Variants in MDGA2 observed in about 807,000 individuals in gnomAD.
MDGA2 encodes MAM domain containing glycosylphosphatidylinositol anchor 2.
In MDGA2, 40 loss-of-function variants were observed where a neutral mutation model predicts 117.8. That is an observed-to-expected ratio of 0.34 (90% CI 0.26 to 0.44). The LOEUF is 0.44. MDGA2 is among the 20% of genes least tolerant of loss of function. The pLI is 1.00. For synonymous variants in MDGA2, 452 were observed against 439.0 expected, an observed-to-expected ratio of 1.03 and a Z score of -0.37; for missense variants, 1,123 against 1,250.6, an observed-to-expected ratio of 0.90 and a Z score of 1.54.
At chr14:47,453,383 C>A (rs559618428) in intron 1 of MDGA2, among the ~76,000 whole-genome samples, 3 of 152,172 alleles carry the variant, frequency 2.0e-5, no homozygotes, top group Non-Finnish European at 4.4e-5. Context: ...AAATTCAAAG[C>A]TCTAATTGCA....
At chr14:47,431,892 T>G (rs749368519) in intron 1 of MDGA2, among the ~76,000 whole-genome samples, 1 of 152,070 alleles carries the variant, frequency 6.6e-6, no homozygotes, top group Non-Finnish European at 1.5e-5. Flanking sequence ...TAACATAGCT[T>G]TCCACGACAT....
intron 7 of MDGA2, among the ~76,000 whole-genome samples, chr14:47,049,683 T>G (rs1889387017): frequency 6.6e-6 from 1 of 152,032 alleles, no homozygotes; most frequent in African/African-American, 2.4e-5. Flanking sequence ...AATTCATGGA[T>G]GTAGAAACCC....
intron 3 of MDGA2, among the ~76,000 whole-genome samples, chr14:47,177,787 A>C (rs2139356473): frequency 6.6e-6 from 1 of 152,230 alleles, no homozygotes; most frequent in African/African-American, 2.4e-5. Context: ...GTACCCTAAA[A>C]CTTAAAGTAT....
At chr14:47,015,886 A>C (rs543255258) in intron 8 of MDGA2, among the ~76,000 whole-genome samples, 1 of 152,096 alleles carries the variant, frequency 6.6e-6, no homozygotes, top group Non-Finnish European at 1.5e-5. Flanking sequence ...TGTAAAAAAC[A>C]AAAACAAAGA....
At chr14:47,489,909 C>T (rs1266255675) in intron 1 of MDGA2, among the ~76,000 whole-genome samples, 2 of 152,030 alleles carry the variant, frequency 1.3e-5, no homozygotes, top group Non-Finnish European at 2.9e-5. Context: ...TTTCTGAAAA[C>T]AAGGTTACTC....
At chr14:46,974,884 G>A (rs1364482016) in intron 8 of MDGA2, among the ~76,000 whole-genome samples, 1 of 151,846 alleles carries the variant, frequency 6.6e-6, no homozygotes, top group Admixed American at 6.6e-5. Flanking sequence ...TTTTCAAGTT[G>A]TGCATTAAAG....
intron 2 of MDGA2, among the ~76,000 whole-genome samples, chr14:47,241,681 C>T (rs976087950): frequency 6.6e-6 from 1 of 151,938 alleles, no homozygotes; most frequent in Non-Finnish European, 1.5e-5. Flanking sequence ...ACTTTCATCT[C>T]CCAACTCTTT....
chr14:47,576,396 ATGAATT>A (rs1329408978), intron 1 of MDGA2, among the ~76,000 whole-genome samples: 1 of 152,194 alleles, frequency 6.6e-6, no homozygotes, highest in East Asian at 1.9e-4. Flanking sequence ...TTCCTTCCAC[ATGAATT>A]TGGCTCTTCA....
intron 9 of MDGA2, among the ~76,000 whole-genome samples, chr14:46,932,324 A>G (rs1426174351): frequency 6.6e-6 from 1 of 152,082 alleles, no homozygotes; most frequent in Non-Finnish European, 1.5e-5. Context: ...ATTTGCTTCA[A>G]TAATGTAAGT....
At chr14:47,139,843 CACACATATATAT>C (rs1882636684) in intron 4 of MDGA2, among the ~76,000 whole-genome samples, 1 of 135,834 alleles carries the variant, frequency 7.4e-6, no homozygotes, top group African/African-American at 2.8e-5. Context: ...TATATATATA[CACACATATATAT>C]ACACATATAT....
intron 1 of MDGA2, among the ~76,000 whole-genome samples, chr14:47,312,988 G>A (rs1049119175): frequency 6.3e-4 from 95 of 149,924 alleles, no homozygotes; most frequent in African/African-American, 2.2e-3. Flanking sequence ...TTTCCCTGCC[G>A]TTTTTAAACT....
At position 47,061,521 on chromosome 14, in the gene MDGA2, A is replaced by G; in HGVS notation, c.1253T>C (p.Ile418Thr). ...TATTTTCACCTCACGGCCAATCTGGATGTTGTCATCTTTGTGATAAGGATC... is the reference window on the plus strand; with the variant it reads ...TATTTTCACCTCACGGCCAATCTGGGTGTTGTCATCTTTGTGATAAGGATC... Reference protein sequence around the residue: ...TPDPYHKDDNIQIGREVKISC... With the variant: ...TPDPYHKDDNTQIGREVKISC... The change falls in exon 7 of 17, where the codon ATC becomes ACC. Residue 418 changes from isoleucine to threonine, a missense_variant. Physicochemically the swap from Ile to Thr is moderately conservative, Grantham distance 89. Coordinates refer to ENST00000399232, the MANE Select transcript of MDGA2 (RefSeq NM_001113498.3). 1 of 1,613,272 alleles carries G rather than the reference A, an allele frequency of 6.2e-7. No homozygotes were observed. The highest frequency in any genetic ancestry group is 8.5e-7 in the Non-Finnish European group (1 of 1,179,530).
intron 2 of MDGA2, among the ~76,000 whole-genome samples, chr14:47,294,470 AT>A (rs1888996264): frequency 6.6e-6 from 1 of 152,118 alleles, no homozygotes; most frequent in Admixed American, 6.6e-5. Flanking sequence ...TCCAAAGATT[AT>A]TTGAAAAAGT....
At chr14:46,904,902 CT>C (rs1241816332) in intron 10 of MDGA2, among the ~76,000 whole-genome samples, 1 of 152,152 alleles carries the variant, frequency 6.6e-6, no homozygotes, top group African/African-American at 2.4e-5. Context: ...TATTAGAAGG[CT>C]ACCTCCAGTT....
At chr14:46,886,009 C>G (rs1305257021) in intron 10 of MDGA2, among the ~76,000 whole-genome samples, 1 of 152,120 alleles carries the variant, frequency 6.6e-6, no homozygotes, top group East Asian at 1.9e-4. Context: ...AAGACGTTTG[C>G]TATGCTAATG....
chr14:47,011,482 T>C (rs546948471), intron 8 of MDGA2, among the ~76,000 whole-genome samples: 1 of 152,126 alleles, frequency 6.6e-6, no homozygotes, highest in African/African-American at 2.4e-5. Flanking sequence ...GGTGGTTCTG[T>C]TGAACCTATA....
intron 10 of MDGA2, among the ~76,000 whole-genome samples, chr14:46,896,199 T>C (rs1883069187): frequency 6.6e-6 from 1 of 152,188 alleles, no homozygotes; most frequent in East Asian, 1.9e-4. Flanking sequence ...TAGAGAATGT[T>C]GATATATAAA....
chr14:47,028,349 G>A (rs568157340), intron 8 of MDGA2, among the ~76,000 whole-genome samples: 2 of 152,072 alleles, frequency 1.3e-5, no homozygotes, highest in Non-Finnish European at 2.9e-5. Context: ...AAGTCATTTT[G>A]GCATAAGAAA....
In MDGA2 at chr14:47,663,164, A is replaced by T. The variant is rs551004925; in HGVS notation, c.280+11353T>A. ...CCAATTCTTGATAATAACTTAACTC[A>T]TTCTGAGATACCAAGTTAGACTGAC... is the stretch of plus-strand genomic sequence containing the variant. On this transcript the variant is annotated intron_variant, in intron 1 of 16. Transcript: ENST00000399232. Among the ~76,000 whole-genome samples the T allele has an allele frequency of 2.6e-5, 4 of 152,372 alleles. No individual in the cohort carries two copies. The South Asian group carries it at 8.3e-4, about 32-fold the overall frequency.
Sources: allele counts gnomAD v4.1 joint callset (sites outside exome capture counted in the v4.1 genomes callset), GRCh38; gene constraint gnomAD v4.1.1; transcripts MANE v1.5; gene names NCBI Gene and HGNC (gene_info 2026-07-23, HGNC 2026-07-21).